Variants in DCLRE1C observed in about 807,000 individuals in gnomAD.
The protein encoded by DCLRE1C is DNA cross-link repair 1C, also known as protein artemis.
DCLRE1C carries 47 observed loss-of-function variants against 61.4 expected under a neutral mutation model. That is an observed-to-expected ratio of 0.77 (90% confidence interval 0.61 to 0.98). DCLRE1C has a LOEUF of 0.98. DCLRE1C is among the 50% of genes least tolerant of loss of function. The probability of loss-of-function intolerance (pLI) is 0.00; values close to 1 mark genes in which losing one functional copy is unlikely to be tolerated. For missense variants in DCLRE1C, 858 were observed against 816.0 expected, an observed-to-expected ratio of 1.05 and a Z score of -0.63; for synonymous variants, 337 against 287.6, an observed-to-expected ratio of 1.17 and a Z score of -1.74.
Position 14,932,956 on chromosome 10 carries a change from C to G in DCLRE1C, c.679-1G>C. The G allele has an allele frequency of 1.2e-6, 2 of 1,613,916 alleles. No homozygotes were observed. The highest frequency in any genetic ancestry group is 1.7e-6 in the Non-Finnish European group (2 of 1,179,796). ...ACATGTCTAGCTTATTCACATGAAC[C>G]TAAGGCAAATAATACATACATGCAA... On this transcript the variant is annotated splice_acceptor_variant, in intron 8 of 13. Transcript: ENST00000378278. LOFTEE classifies it high-confidence loss of function.
chr10:14,936,162 G>A (rs922257270), intron 5 of DCLRE1C, among the ~76,000 whole-genome samples: 8 of 152,074 alleles, frequency 5.3e-5, no homozygotes, highest in Admixed American at 1.3e-4. Flanking sequence ...CCAAAGTGCC[G>A]GGATTACAGG....
At chr10:14,953,703 C>G (rs1395960808) in intron 1 of DCLRE1C, among the ~76,000 whole-genome samples, 199 bp downstream of exon 1, 1 of 152,186 alleles carries the variant, frequency 6.6e-6, no homozygotes, top group African/African-American at 2.4e-5. Flanking sequence ...TGGCAGGCGC[C>G]GTTACGCCGC....
Position 14,934,506 on chromosome 10 carries a change from A to C in DCLRE1C, c.552T>G (p.Ser184Arg). Residue 184 changes from serine to arginine, a missense_variant, in exon 8 of 14, where the codon AGT becomes AGG. Transcript: ENST00000378278. ...YQIPSREECLSGVLELVRSWI... is the reference protein window; with the variant it reads ...YQIPSREECLRGVLELVRSWI... ...AGCTTCGGACCAGCTCTAAGACTCC[A>C]CTTAAACACTCCTCCTAGACAGGAT... 2 of 1,614,120 alleles carry C rather than the reference A, an allele frequency of 1.2e-6. No individual in the cohort carries two copies. The highest frequency in any genetic ancestry group is 2.2e-5 in the East Asian group (1 of 44,884).
intron 12 of DCLRE1C, among the ~76,000 whole-genome samples, chr10:14,920,134 C>G (rs772215179): frequency 7.2e-5 from 11 of 152,158 alleles, no homozygotes; most frequent in Non-Finnish European, 1.2e-4. Flanking sequence ...AAACTTAGAT[C>G]TTTGCTCTTG....
rs140972683 is a variant in DCLRE1C at position 14,912,348 on chromosome 10, G to T, written c.1157-3018C>A. ...TGGGATTATAGGCGTGAGCCACTAT[G>T]CCTGGCCTCCTGTTTAAGCTACCTA... On this transcript the variant is annotated intron_variant, in intron 13 of 13. Coordinates refer to ENST00000378278, the MANE Select transcript of DCLRE1C (RefSeq NM_001033855.3). Among the ~76,000 whole-genome samples the T allele has an allele frequency of 3.8e-3, 586 of 152,256 alleles. 3 individuals are homozygous for T. The highest frequency in any genetic ancestry group is 0.013 in the African/African-American group (558 of 41,548).
chr10:14,945,214 T>G, intron 2 of DCLRE1C, 25 bp from the exon 3 acceptor site: 1 of 1,598,464 alleles, frequency 6.3e-7, no homozygotes, highest in Non-Finnish European at 8.6e-7. Flanking sequence ...GAAAAAAACT[T>G]TCAGTACAAT....
chr10:14,914,877 T>A (rs1835904055), intron 13 of DCLRE1C, among the ~76,000 whole-genome samples: 1 of 151,688 alleles, frequency 6.6e-6, no homozygotes, highest in Admixed American at 6.6e-5. Context: ...GAGGCAGAGG[T>A]TGCAATGAGC....
At chr10:14,938,181 T>A (rs568103978) in intron 4 of DCLRE1C, among the ~76,000 whole-genome samples, 2 of 152,132 alleles carry the variant, frequency 1.3e-5, no homozygotes, top group East Asian at 3.9e-4. Flanking sequence ...ACATAAAAAA[T>A]CAAAGTGGTG....
intron 1 of DCLRE1C, among the ~76,000 whole-genome samples, chr10:14,951,017 G>A (rs994689282): frequency 6.6e-6 from 1 of 152,098 alleles, no homozygotes; most frequent in African/African-American, 2.4e-5. Flanking sequence ...CCTGCACACA[G>A]CATTGGCTTC....
rs1834644697 is a variant in DCLRE1C, at chr10:14,908,280, T to G, written c.*128A>C. The G allele has an allele frequency of 2.6e-6, 2 of 772,328 alleles. No individual in the cohort carries two copies. Among genetic ancestry groups the G allele is most frequent in the African/African-American group, 3.5e-5 (2 of 56,954 alleles). The allele number at this position is 772,328 out of a possible 1,614,324, so 47.8% of individuals were successfully genotyped here. ...CACCTCAAAGTGCTGGGATTACAAG[T>G]GTGAGCCACCACACCCAACCAGGTT... On this transcript the variant is annotated 3_prime_UTR_variant, in exon 14 of 14. Transcript: ENST00000378278.
At chr10:14,953,133 G>A (rs1339530875) in intron 1 of DCLRE1C, among the ~76,000 whole-genome samples, 1 of 152,210 alleles carries the variant, frequency 6.6e-6, no homozygotes, top group Non-Finnish European at 1.5e-5. Context: ...TAATGGCTGG[G>A]CGAATTAGCA....
exon 14 of DCLRE1C, chr10:14,899,158 T>C (rs74470596): frequency 3.0e-4 from 208 of 697,450 alleles, no homozygotes; most frequent in African/African-American, 1.0e-3. Context: ...CACATCTCTA[T>C]AAAAACTAAA....
At position 14,908,885 on chromosome 10, in the gene DCLRE1C, G is replaced by A. The variant is rs61745540; in HGVS notation, c.1602C>T (p.Ser534=). ...TGTGTGTTGACTGGGAAGAATTCTG[G>A]GAGGAGATGTGAGTTGATTCTCCAT... ...DSDGESTHIS[S]QNSSQSTHIT... The change falls in exon 14 of 14, where the codon TCC becomes TCT. Residue 534 remains serine, a synonymous_variant. Coordinates refer to ENST00000378278, the MANE Select transcript of DCLRE1C (RefSeq NM_001033855.3). The A allele has an allele frequency of 1.1e-4, 182 of 1,614,032 alleles. No homozygotes were observed. In the African/African-American group the frequency reaches 2.2e-3, roughly 19 times the overall value.
chr10:14,913,185 A>T (rs1466296850), intron 13 of DCLRE1C, among the ~76,000 whole-genome samples: 1 of 152,290 alleles, frequency 6.6e-6, no homozygotes, highest in Non-Finnish European at 1.5e-5. Flanking sequence ...AAGTGTCCAG[A>T]AAACACAAAT....
Position 14,906,509 on chromosome 10 carries a change from C to T in DCLRE1C, c.*1899G>A, listed in dbSNP as rs41300706. ...CAGGCATTTTTTGAACAACCACTTT[C>T]GATCATAAGGTACACTGTTAAAACT... is the stretch of plus-strand genomic sequence containing the variant. On this transcript the variant is annotated 3_prime_UTR_variant, in exon 14 of 14. Transcript: ENST00000378278. Among the ~76,000 whole-genome samples the T allele has an allele frequency of 0.01, 1,531 of 152,264 alleles. 18 individuals carry two copies. Among genetic ancestry groups the T allele is most frequent in the Non-Finnish European group, 0.016 (1,111 of 68,018 alleles).
At chr10:14,934,087 G>A (rs1433438492) in intron 8 of DCLRE1C, among the ~76,000 whole-genome samples, 1 of 152,042 alleles carries the variant, frequency 6.6e-6, no homozygotes, top group African/African-American at 2.4e-5. Flanking sequence ...CAGCACTTTA[G>A]GAGGCCGAGG....
intron 11 of DCLRE1C, chr10:14,923,359 G>T: frequency 2.9e-6 from 1 of 349,876 alleles, no homozygotes. Flanking sequence ...TCACCAATGG[G>T]ACTCAAAGAT....
At chr10:14,937,764 A>G (rs536944789) in intron 4 of DCLRE1C, among the ~76,000 whole-genome samples, 34 of 152,066 alleles carry the variant, frequency 2.2e-4, no homozygotes, top group African/African-American at 7.7e-4. Context: ...GGTGGTGGGC[A>G]GCACCTGTAA....
chr10:14,944,546 A>G (rs574062868), intron 3 of DCLRE1C, among the ~76,000 whole-genome samples: 1 of 152,218 alleles, frequency 6.6e-6, no homozygotes, highest in South Asian at 2.1e-4. Context: ...CAAGAGGGTC[A>G]ATGAGATTAA....
Sources: gnomAD v4.1 joint callset for allele counts (sites outside exome capture counted in the v4.1 genomes callset) on GRCh38, gnomAD v4.1.1 for gene constraint, MANE v1.5 for transcripts, NCBI Gene and HGNC (gene_info 2026-07-23, HGNC 2026-07-21) for gene names.